Variants in CSDE1 observed in about 807,000 individuals in gnomAD.
CSDE1 encodes the protein cold shock domain containing E1.
A neutral mutation model predicts 89.3 loss-of-function variants in CSDE1; 17 were observed. The observed-to-expected ratio is 0.19, with a 90% CI of 0.13 to 0.29. CSDE1 has a LOEUF of 0.29. CSDE1 is among the 10% of genes least tolerant of loss of function. The pLI, the probability that CSDE1 is intolerant of heterozygous loss-of-function variation, is 1.00. For missense variants in CSDE1, 672 were observed against 984.2 expected (o/e 0.68, Z 4.24); for synonymous variants, 322 against 332.8 (o/e 0.97, Z 0.35).
intron 4 of CSDE1, among the ~76,000 whole-genome samples, 180 bp downstream of exon 4, chr1:114,737,783 C>T (rs1660484937): frequency 1.3e-5 from 2 of 152,072 alleles, no homozygotes; most frequent in African/African-American, 4.8e-5. Context: ...GAGTCTTGAC[C>T]ATATTTTTAT....
chr1:114,718,501 A>G, intron 19 of CSDE1, 112 bp downstream of exon 19: 1 of 1,398,252 alleles, frequency 7.2e-7, no homozygotes, highest in South Asian at 1.4e-5. Context: ...GTTATAAGCA[A>G]TATGGAAGTC....
At chr1:114,730,957 A>T (rs1001293962) in intron 10 of CSDE1, among the ~76,000 whole-genome samples, 4 of 152,262 alleles carry the variant, frequency 2.6e-5, no homozygotes, top group African/African-American at 4.8e-5. Flanking sequence ...TAATGACAAT[A>T]TAATCTCCAG....
At chr1:114,726,810 G>C (rs1199898134) in intron 13 of CSDE1, among the ~76,000 whole-genome samples, 173 bp downstream of exon 13, 2 of 152,186 alleles carry the variant, frequency 1.3e-5, no homozygotes, top group Non-Finnish European at 2.9e-5. Flanking sequence ...TTAACAAAGA[G>C]CTTGACAGAC....
At chr1:114,745,526 C>T (rs919543220) in intron 2 of CSDE1, among the ~76,000 whole-genome samples, 21 of 152,148 alleles carry the variant, frequency 1.4e-4, no homozygotes, top group African/African-American at 4.1e-4. Flanking sequence ...AAGGGCACAG[C>T]GCTAAAAATG....
chr1:114,739,609 T>C, intron 3 of CSDE1, 83 bp downstream of exon 3: 1 of 1,218,762 alleles, frequency 8.2e-7, no homozygotes, highest in Non-Finnish European at 1.2e-6. Context: ...TACATAAAAC[T>C]TTTTGAAAAA....
chr1:114,723,434 T>C lies in CSDE1; in HGVS notation c.1873+449A>G, dbSNP rs6680127. Among the ~76,000 whole-genome samples the C allele has an allele frequency of 8.6e-3, 1,313 of 152,210 alleles. 17 individuals are homozygous for C. The highest frequency in any genetic ancestry group is 0.03 in the African/African-American group (1,233 of 41,520). On this transcript the variant is annotated intron_variant, in intron 16 of 19. Coordinates refer to ENST00000358528, the MANE Select transcript of CSDE1 (RefSeq NM_001007553.3). ...CTAGAAACGAGAAATAGGATCCTCA[T>C]AGAACTCTAGCTATTAAGAAACAGA...
chr1:114,741,765 C>A (rs529250376), intron 2 of CSDE1: 14 of 917,506 alleles, frequency 1.5e-5, no homozygotes, highest in South Asian at 4.1e-5. Context: ...TTGGGTTTAG[C>A]GAAATATAAA....
Position 114,733,954 on chromosome 1 carries a change from A to T in CSDE1, c.711+35T>A. 1.9e-6 allele frequency: 3 copies of T among 1,605,788 alleles called. No individual in the cohort carries two copies. In the East Asian group the frequency reaches 6.7e-5, roughly 36 times the overall value. On this transcript the variant is annotated intron_variant, in intron 8 of 19. Transcript: ENST00000358528. ...AAAAACATAAACCAACTCTGATCTT[A>T]AAAGGCCAAAGATCAAGTTAACTGA...
At chr1:114,726,962 G>A (rs767948232) in intron 13 of CSDE1, 21 bp downstream of exon 13, 24 of 1,515,612 alleles carry the variant, frequency 1.6e-5, no homozygotes, top group South Asian at 3.4e-5. Flanking sequence ...ACCCTCTCTC[G>A]AATGAGCAGA....
chr1:114,732,046 C>T (rs912088922), intron 10 of CSDE1, among the ~76,000 whole-genome samples: 4 of 151,974 alleles, frequency 2.6e-5, no homozygotes, highest in African/African-American at 9.7e-5. Context: ...AACTCCTGAC[C>T]TCAAGTGATC....
In CSDE1 at chr1:114,730,689, C is replaced by T. The variant is rs370431120; in HGVS notation, c.1051-41G>A. On this transcript the variant is annotated intron_variant, in intron 10 of 19. Transcript: ENST00000358528. The stretch of plus-strand genomic sequence containing the variant: ...TATTTTCACTGGCTGTGAAACTTGT[C>T]AAGAAGGCAACATTCAACTTTACAA... 2.5e-6 allele frequency: 4 copies of T among 1,605,656 alleles called. No individual in the cohort carries two copies. In the African/African-American group the frequency reaches 4.0e-5, roughly 16 times the overall value.
In CSDE1 at chr1:114,750,047, G is replaced by A. The variant is rs889531947; in HGVS notation, c.-227C>T. 6.6e-6 allele frequency: 1 copy of A among 152,658 alleles called. No individual in the cohort carries two copies. Among genetic ancestry groups the A allele is most frequent in the African/African-American group, 2.4e-5 (1 of 41,442 alleles). 9.5% of individuals were successfully genotyped at this position (152,658 alleles called of 1,614,324 possible). A position where few individuals can be genotyped will look rare whatever the true frequency, so the allele number is the denominator to read the frequency against. On this transcript the variant is annotated 5_prime_UTR_variant, in exon 2 of 20. Transcript: ENST00000358528. Reference sequence around the variant, plus strand: ...CGTTGGGAAGTGCTCTTTCAAAGCTGTTGAGTAGGCACAAACTTCTTGTTT... The same window carrying A: ...CGTTGGGAAGTGCTCTTTCAAAGCTATTGAGTAGGCACAAACTTCTTGTTT...
chr1:114,745,578 C>G (rs542244676), intron 2 of CSDE1, among the ~76,000 whole-genome samples: 1 of 152,306 alleles, frequency 6.6e-6, no homozygotes, highest in South Asian at 2.1e-4. Context: ...CCATTCTTAA[C>G]CACTGCCTTA....
intron 5 of CSDE1, 34 bp from the exon 6 acceptor site, chr1:114,736,889 C>A: frequency 6.6e-7 from 1 of 1,514,834 alleles, no homozygotes; most frequent in East Asian, 2.3e-5. Context: ...ACTATTTTGG[C>A]AGGATGCATA....
Position 114,718,641 on chromosome 1 carries a change from C to G in CSDE1, c.2321G>C (p.Arg774Pro). 6.2e-7 allele frequency: 1 copy of G among 1,614,090 alleles called. No homozygotes were observed. The change falls in exon 19 of 20, where the codon CGT becomes CCT. Residue 774 changes from arginine (R) to proline (P), a missense_variant. Transcript: ENST00000358528. ...DASAPRLMVL[R>P]QPRGPDNSMG... ...TGAGTTATCTGGTCCCCTTGGCTGA[C>G]GAAGAACCATTAGGCGAGGAGCACT...
chr1:114,719,721 C>T lies in CSDE1; in HGVS notation c.2074G>A (p.Val692Ile), dbSNP rs192810456. The change falls in exon 18 of 20, where the codon GTA (valine) becomes ATA (isoleucine). Residue 692 changes from valine (V) to isoleucine (I), a missense_variant. Val to Ile is a conservative substitution (Grantham distance 29, BLOSUM62 3). Transcript: ENST00000358528. ...KDQFGFINYE[V>I]GDSKKLFFHV... is the part of the protein sequence containing the mutation. ...AAAAAGAGCTTCTTGCTATCTCCTA[C>T]TTCATAGTTAATGAAGCCAAACTGA... The T allele has an allele frequency of 3.7e-6, 6 of 1,612,060 alleles. No individual in the cohort carries two copies. In the South Asian group the frequency reaches 4.4e-5, roughly 12 times the overall value.
chr1:114,749,457 A>G (rs1302869383), intron 2 of CSDE1, among the ~76,000 whole-genome samples: 1 of 152,218 alleles, frequency 6.6e-6, no homozygotes, highest in Non-Finnish European at 1.5e-5. Context: ...TGAAGACAGT[A>G]GAGAGAAAGA....
chr1:114,744,365 G>C (rs1272578189), intron 2 of CSDE1, among the ~76,000 whole-genome samples: 1 of 152,086 alleles, frequency 6.6e-6, no homozygotes, highest in South Asian at 2.1e-4. Flanking sequence ...CAGATCACCT[G>C]AGCCCAGGAA....
chr1:114,730,477 C>T (rs539814425), intron 11 of CSDE1, 31 bp downstream of exon 11: 20 of 1,611,550 alleles, frequency 1.2e-5, no homozygotes, highest in Middle Eastern at 1.7e-4. Flanking sequence ...CATCAAGAAA[C>T]ACCTCCCAAC....
Sources: gnomAD v4.1 joint callset for allele counts (sites outside exome capture counted in the v4.1 genomes callset) on GRCh38, gnomAD v4.1.1 for gene constraint, MANE v1.5 for transcripts, NCBI Gene and HGNC (gene_info 2026-07-23, HGNC 2026-07-21) for gene names.